The following VANGL1 variants were observed in gnomAD, a reference collection of about 807,000 sequenced individuals.
VANGL1 encodes vang-like protein 1.
In VANGL1, 18 loss-of-function variants were observed where a neutral mutation model predicts 48.4. That is an observed-to-expected ratio of 0.37 (90% CI 0.26 to 0.55). The LOEUF is 0.55. Ranked by LOEUF, VANGL1 falls within the 20% of genes least tolerant of loss-of-function variation. The pLI, the probability that VANGL1 is intolerant of heterozygous loss-of-function variation, is 0.81. For synonymous variants in VANGL1, 257 were observed against 261.8 expected (o/e 0.98, Z 0.18); for missense variants, 667 against 675.8 (o/e 0.99, Z 0.14).
chr1:115,663,910 C>T lies in VANGL1; in HGVS notation c.454C>T (p.Leu152Phe). 1 of 1,614,158 alleles carries T rather than the reference C, an allele frequency of 6.2e-7. No homozygotes were observed. The change falls in exon 4 of 8, where the codon CTC becomes TTC. Residue 152 changes from leucine (L) to phenylalanine (F), a missense_variant. Coordinates refer to ENST00000355485, the MANE Select transcript of VANGL1 (RefSeq NM_138959.3). ...LEPCGTICEG[L>F]FISMAFKLLI... Reference sequence around the variant, plus strand: ...GCCTTGTGGCACAATTTGTGAGGGGCTCTTTATCTCCATGGCATTCAAACT... The same window carrying T: ...GCCTTGTGGCACAATTTGTGAGGGGTTCTTTATCTCCATGGCATTCAAACT...
At chr1:115,667,760 C>T (rs1652844156) in intron 4 of VANGL1, among the ~76,000 whole-genome samples, 1 of 152,218 alleles carries the variant, frequency 6.6e-6, no homozygotes, top group South Asian at 2.1e-4. Context: ...TTACCAGAGA[C>T]TAATGACTGT....
chr1:115,659,539 G>GTGTGTT, intron 2 of VANGL1, 102 bp from the exon 3 acceptor site: 2 of 1,266,738 alleles, frequency 1.6e-6, no homozygotes, highest in Non-Finnish European at 2.2e-6. Flanking sequence ...GTGTGTGTGT[G>GTGTGTT]TATGTAGAAT....
chr1:115,685,615 A>G (rs759902062), intron 7 of VANGL1, 88 bp downstream of exon 7: 28 of 1,364,074 alleles, frequency 2.1e-5, no homozygotes, highest in Non-Finnish European at 2.8e-5. Flanking sequence ...ACTAGAAGTG[A>G]TAAAATCGAA....
At chr1:115,646,068 T>C (rs1183792502) in intron 1 of VANGL1, among the ~76,000 whole-genome samples, 1 of 152,236 alleles carries the variant, frequency 6.6e-6, no homozygotes, top group Non-Finnish European at 1.5e-5. Context: ...CTAAACACTG[T>C]GTTTTCATAT....
At chr1:115,684,934 A>G (rs944448733) in intron 6 of VANGL1, among the ~76,000 whole-genome samples, 4 of 152,100 alleles carry the variant, frequency 2.6e-5, no homozygotes, top group African/African-American at 4.8e-5. Flanking sequence ...AGAGCCTTTT[A>G]TAGCCAGTCG....
chr1:115,647,051 A>G (rs1570733942), intron 1 of VANGL1, among the ~76,000 whole-genome samples: 1 of 152,220 alleles, frequency 6.6e-6, no homozygotes, highest in Non-Finnish European at 1.5e-5. Context: ...AGGACATTGC[A>G]TACCAAATGA....
chr1:115,660,267 G>C (rs916409695), intron 3 of VANGL1, among the ~76,000 whole-genome samples: 1 of 152,186 alleles, frequency 6.6e-6, no homozygotes. Context: ...TATTAACCTA[G>C]CTTTGGGTTA....
chr1:115,685,630 A>G, intron 7 of VANGL1, 103 bp downstream of exon 7: 1 of 1,185,866 alleles, frequency 8.4e-7, no homozygotes, highest in Admixed American at 2.0e-5. Context: ...ATCGAAAGGC[A>G]TCTCTAAAAC....
intron 4 of VANGL1, among the ~76,000 whole-genome samples, chr1:115,674,824 C>G (rs1304069818): frequency 3.9e-5 from 6 of 152,090 alleles, no homozygotes; most frequent in African/African-American, 7.2e-5. Context: ...TGGATGAGCT[C>G]TAAAGCTCAA....
Position 115,685,336 on chromosome 1 carries a change from C to T in VANGL1, c.1123C>T (p.Leu375Phe). Residue 375 changes from leucine to phenylalanine, a missense_variant, in exon 7 of 8, where the codon CTC becomes TTC. Leu to Phe is a conservative substitution (Grantham distance 22). Transcript: ENST00000355485. ...VEEAFIHIQR[L>F]QAEEQQKAPG... The stretch of plus-strand genomic sequence containing the variant: ...AGAGGCCTTCATCCACATTCAGCGT[C>T]TCCAGGCTGAGGAGCAGCAGAAAGC... The T allele has an allele frequency of 6.2e-7, 1 of 1,614,214 alleles. No homozygotes were observed. Among genetic ancestry groups the T allele is most frequent in the Non-Finnish European group, 8.5e-7 (1 of 1,180,030 alleles).
chr1:115,669,449 A>G (rs1652897678), intron 4 of VANGL1, among the ~76,000 whole-genome samples: 1 of 152,140 alleles, frequency 6.6e-6, no homozygotes, highest in Non-Finnish European at 1.5e-5. Flanking sequence ...TCCCCACCCA[A>G]ATCTCATCTT....
At chr1:115,664,514 A>G (rs779588082) in intron 4 of VANGL1, among the ~76,000 whole-genome samples, 4 of 152,306 alleles carry the variant, frequency 2.6e-5, no homozygotes, top group Middle Eastern at 3.4e-3. Context: ...GCTTGTTCTC[A>G]AAGTTATTGG....
intron 1 of VANGL1, among the ~76,000 whole-genome samples, chr1:115,645,747 T>A (rs1399321836): frequency 6.6e-6 from 1 of 152,210 alleles, no homozygotes; most frequent in African/African-American, 2.4e-5. Flanking sequence ...ATTAATAGCA[T>A]AATCTCTGCA....
At chr1:115,683,889 C>CT in intron 5 of VANGL1, 55 bp from the exon 6 acceptor site, 1 of 1,603,306 alleles carries the variant, frequency 6.2e-7, no homozygotes. Context: ...GTTTTCTGCT[C>CT]TGTTTCCCAC....
intron 4 of VANGL1, among the ~76,000 whole-genome samples, chr1:115,678,721 C>T (rs1018754460): frequency 1.6e-4 from 24 of 152,090 alleles, no homozygotes; most frequent in Admixed American, 1.2e-3. Context: ...TTTGGGAGGC[C>T]AAGGTAGGCG....
chr1:115,664,744 G>A (rs991898909), intron 4 of VANGL1, among the ~76,000 whole-genome samples: 2 of 152,106 alleles, frequency 1.3e-5, no homozygotes, highest in Admixed American at 6.5e-5. Context: ...TCATCCGAGG[G>A]ACCCTCCAAT....
intron 4 of VANGL1, 100 bp downstream of exon 4, chr1:115,664,368 A>G: frequency 3.3e-6 from 5 of 1,507,156 alleles, no homozygotes; most frequent in Non-Finnish European, 4.4e-6. Flanking sequence ...GCCAAGAGCT[A>G]GGACCAGAGT....
At chr1:115,656,909 G>T (rs1652373227) in intron 2 of VANGL1, among the ~76,000 whole-genome samples, 1 of 152,240 alleles carries the variant, frequency 6.6e-6, no homozygotes. Context: ...AGATAGATGG[G>T]TTAGGTGAGC....
In VANGL1 at chr1:115,687,285, A is replaced by G. The variant is rs529336376; in HGVS notation, c.1314+1758A>G. Among the ~76,000 whole-genome samples the G allele has an allele frequency of 2.2e-5, 3 of 139,204 alleles. No individual in the cohort carries two copies. In the East Asian group the frequency reaches 6.1e-4, roughly 28 times the overall value. 91.3% of individuals were successfully genotyped at this position (139,204 alleles called of 152,430 possible). A position where few individuals can be genotyped will look rare whatever the true frequency, so the allele number is the denominator to read the frequency against. ...AGTGGCTTATAAATTATGGTGTATC[A>G]CCTGTTGAATCATGAAAGAATCTGT... On this transcript the variant is annotated intron_variant, in intron 7 of 7. Transcript: ENST00000355485.
Sources: gnomAD v4.1 joint callset for allele counts (sites outside exome capture counted in the v4.1 genomes callset) on GRCh38, gnomAD v4.1.1 for gene constraint, MANE v1.5 for transcripts, NCBI Gene and HGNC (gene_info 2026-07-23, HGNC 2026-07-21) for gene names.